The following TSHZ2 variants were observed in gnomAD, a reference collection of about 807,000 sequenced individuals.
TSHZ2 encodes teashirt homolog 2.
Under a neutral mutation model 74.4 loss-of-function variants are expected in TSHZ2, and 21 were observed. That is an observed-to-expected ratio of 0.28 (90% CI 0.20 to 0.41). The LOEUF is 0.41. TSHZ2 is among the 10% of genes least tolerant of loss of function. The pLI is 1.00. For missense variants in TSHZ2, 1,244 were observed against 1,293.5 expected, an observed-to-expected ratio of 0.96 and a Z score of 0.59; for synonymous variants, 540 against 515.3, an observed-to-expected ratio of 1.05 and a Z score of -0.65.
intron 2 of TSHZ2, among the ~76,000 whole-genome samples, chr20:53,445,618 G>C (rs1984517773): frequency 6.6e-6 from 1 of 152,176 alleles, no homozygotes; most frequent in African/African-American, 2.4e-5. Context: ...CCAATTCGAA[G>C]ATGTCCAGGA....
chr20:53,343,610 A>G (rs1387604282), intron 2 of TSHZ2, among the ~76,000 whole-genome samples: 1 of 152,158 alleles, frequency 6.6e-6, no homozygotes, highest in Non-Finnish European at 1.5e-5. Flanking sequence ...TGCTACCATG[A>G]GCTTTATGCC....
intron 1 of TSHZ2, among the ~76,000 whole-genome samples, chr20:53,133,111 C>G (rs918965177): frequency 6.6e-6 from 1 of 152,130 alleles, no homozygotes; most frequent in African/African-American, 2.4e-5. Flanking sequence ...GGGAATGCAG[C>G]CCCTGAATTC....
intron 1 of TSHZ2, among the ~76,000 whole-genome samples, chr20:53,117,523 C>T (rs1600699225): frequency 6.6e-6 from 1 of 152,130 alleles, no homozygotes; most frequent in East Asian, 1.9e-4. Context: ...GTGCTAAGTG[C>T]CATTGTGCAC....
At chr20:53,187,713 GA>G (rs1225392895) in intron 1 of TSHZ2, among the ~76,000 whole-genome samples, 4 of 151,148 alleles carry the variant, frequency 2.6e-5, no homozygotes, top group African/African-American at 9.7e-5. Context: ...TTTAAGGTGA[GA>G]GGACAGGAAA....
chr20:53,113,700 A>C (rs2123330236), intron 1 of TSHZ2, among the ~76,000 whole-genome samples: 1 of 152,358 alleles, frequency 6.6e-6, no homozygotes, highest in South Asian at 2.1e-4. Flanking sequence ...AGTGTGTCTG[A>C]ACAATAACAA....
intron 2 of TSHZ2, among the ~76,000 whole-genome samples, chr20:53,366,207 T>C (rs1981251922): frequency 6.6e-6 from 1 of 152,188 alleles, no homozygotes; most frequent in Non-Finnish European, 1.5e-5. Flanking sequence ...TGGTCCGGGA[T>C]TCACTGCCCA....
At chr20:53,178,216 A>G (rs1346890494) in intron 1 of TSHZ2, 2 of 152,218 alleles carry the variant, frequency 1.3e-5, no homozygotes, top group African/African-American at 2.4e-5. Flanking sequence ...CAGCGATGCC[A>G]CACGAACTTC....
intron 2 of TSHZ2, among the ~76,000 whole-genome samples, chr20:53,278,737 C>T (rs1222327163): frequency 6.6e-6 from 1 of 151,992 alleles, no homozygotes; most frequent in Non-Finnish European, 1.5e-5. Context: ...CCATGAAAGC[C>T]TATCTAAATG....
Position 52,979,328 on chromosome 20 carries a change from C to G in TSHZ2, c.40+5995C>G, listed in dbSNP as rs985525418. 2.6e-5 allele frequency among the ~76,000 whole-genome samples: 4 copies of G among 152,038 alleles called. No homozygotes were observed. In the South Asian group the frequency reaches 8.3e-4, roughly 32 times the overall value. On this transcript the variant is annotated intron_variant, in intron 1 of 2. Transcript: ENST00000371497. Reference sequence around the variant, plus strand: ...AATAAAAATTAGAGACTTCAGAGCCCAACGGTTCACTGCTAGTCTAGGTCT... The same window carrying G: ...AATAAAAATTAGAGACTTCAGAGCCGAACGGTTCACTGCTAGTCTAGGTCT...
intron 1 of TSHZ2, among the ~76,000 whole-genome samples, chr20:53,167,644 A>G (rs1988093944): frequency 1.3e-5 from 2 of 152,044 alleles, no homozygotes; most frequent in African/African-American, 4.8e-5. Context: ...TATCATATCA[A>G]TTGGATGGCA....
At chr20:53,029,720 T>A (rs1156259283) in intron 1 of TSHZ2, among the ~76,000 whole-genome samples, 1 of 152,158 alleles carries the variant, frequency 6.6e-6, no homozygotes, top group Non-Finnish European at 1.5e-5. Flanking sequence ...GCAATTCATA[T>A]GGATGGATGT....
intron 1 of TSHZ2, among the ~76,000 whole-genome samples, chr20:53,146,778 GA>G (rs1233375442): frequency 6.6e-6 from 1 of 152,158 alleles, no homozygotes; most frequent in Non-Finnish European, 1.5e-5. Context: ...GACCAAGATA[GA>G]AACCAATACA....
chr20:53,163,934 C>A (rs941555739), intron 1 of TSHZ2, among the ~76,000 whole-genome samples: 2 of 152,128 alleles, frequency 1.3e-5, no homozygotes, highest in African/African-American at 4.8e-5. Context: ...TTCTGGTTTT[C>A]TCCATTAATT....
chr20:53,214,561 AAAAT>A (rs1320567372), intron 1 of TSHZ2, among the ~76,000 whole-genome samples: 6 of 152,194 alleles, frequency 3.9e-5, no homozygotes. Flanking sequence ...AATAATATAA[AAAAT>A]AGCCAGGCAT....
At chr20:53,217,013 G>GT (rs529068677) in intron 1 of TSHZ2, among the ~76,000 whole-genome samples, 104 of 152,264 alleles carry the variant, frequency 6.8e-4, no homozygotes, top group African/African-American at 2.2e-3. Context: ...GAGCGGGCCC[G>GT]TTTGTTATTT....
At chr20:52,986,698 C>T (rs1981777781) in intron 1 of TSHZ2, among the ~76,000 whole-genome samples, 1 of 152,100 alleles carries the variant, frequency 6.6e-6, no homozygotes, top group South Asian at 2.1e-4. Flanking sequence ...CACTGCACTC[C>T]AGCCTGGGCA....
chr20:53,199,864 G>A (rs1988958282), intron 1 of TSHZ2, among the ~76,000 whole-genome samples: 1 of 152,220 alleles, frequency 6.6e-6, no homozygotes, highest in Non-Finnish European at 1.5e-5. Flanking sequence ...AATCTGTCAA[G>A]TGGGGATGTG....
intron 1 of TSHZ2, among the ~76,000 whole-genome samples, chr20:53,163,452 TTTTA>T (rs1421086617): frequency 2.5e-4 from 36 of 144,678 alleles, no homozygotes; most frequent in East Asian, 5.9e-4. Context: ...TTTTATTTTA[TTTTA>T]TTTTTTTTTA....
intron 2 of TSHZ2, among the ~76,000 whole-genome samples, chr20:53,297,055 C>T (rs188915276): frequency 1.8e-4 from 28 of 152,310 alleles, no homozygotes; most frequent in Admixed American, 1.1e-3. Context: ...TCCCATGACC[C>T]CTGGTGATCT....
Sources: gnomAD v4.1 joint callset for allele counts (sites outside exome capture counted in the v4.1 genomes callset) on GRCh38, gnomAD v4.1.1 for gene constraint, MANE v1.5 for transcripts, NCBI Gene and HGNC (gene_info 2026-07-23, HGNC 2026-07-21) for gene names.